Variants in NTRK3 observed in about 807,000 individuals in gnomAD.
NTRK3 encodes NT-3 growth factor receptor.
A neutral mutation model predicts 91.7 loss-of-function variants in NTRK3; 24 were observed. The ratio of observed to expected loss-of-function variants is 0.26; its 90% CI spans 0.19 to 0.37. NTRK3 has a LOEUF of 0.37. Ranked by LOEUF, NTRK3 falls within the 10% of genes least tolerant of loss-of-function variation. The pLI is 1.00. For synonymous variants in NTRK3, 483 were observed against 404.0 expected, an observed-to-expected ratio of 1.20 and a Z score of -2.34; for missense variants, 880 against 1,068.9, an observed-to-expected ratio of 0.82 and a Z score of 2.46.
intron 3 of NTRK3, among the ~76,000 whole-genome samples, chr15:88,231,426 C>A (rs1466841014): frequency 6.6e-6 from 1 of 151,844 alleles, no homozygotes; most frequent in Non-Finnish European, 1.5e-5. Context: ...GATTCTCTTT[C>A]TTGAAACGCA....
intron 14 of NTRK3, among the ~76,000 whole-genome samples, chr15:88,026,139 C>T (rs1352664276): frequency 6.6e-6 from 1 of 151,844 alleles, no homozygotes; most frequent in Non-Finnish European, 1.5e-5. Flanking sequence ...GGCGTGGTGG[C>T]GGGTGCCTGT....
chr15:88,012,981 G>A (rs1002034037), intron 14 of NTRK3, among the ~76,000 whole-genome samples: 2 of 152,286 alleles, frequency 1.3e-5, no homozygotes, highest in East Asian at 1.9e-4. Flanking sequence ...GAAGAACAAC[G>A]GTCTTCTGAA....
At chr15:88,031,673 C>G (rs1185475173) in intron 14 of NTRK3, among the ~76,000 whole-genome samples, 1 of 152,078 alleles carries the variant, frequency 6.6e-6, no homozygotes, top group Non-Finnish European at 1.5e-5. Context: ...TGACTCAAGC[C>G]CACTCCCTCC....
chr15:88,029,295 G>A (rs761689195), intron 14 of NTRK3, among the ~76,000 whole-genome samples: 2 of 152,204 alleles, frequency 1.3e-5, no homozygotes, highest in Non-Finnish European at 2.9e-5. Context: ...GGGAACATAG[G>A]TGTGGGGATG....
At chr15:88,108,664 G>A (rs556785137) in intron 13 of NTRK3, among the ~76,000 whole-genome samples, 2 of 152,206 alleles carry the variant, frequency 1.3e-5, no homozygotes, top group African/African-American at 4.8e-5. Context: ...CTAGAATCCA[G>A]ATTTCTATAA....
chr15:87,918,265 A>G (rs1044787933), intron 17 of NTRK3, among the ~76,000 whole-genome samples: 1 of 152,210 alleles, frequency 6.6e-6, no homozygotes, highest in African/African-American at 2.4e-5. Flanking sequence ...GTCCTTACAC[A>G]TGACCTGATT....
intron 3 of NTRK3, among the ~76,000 whole-genome samples, chr15:88,199,281 C>T (rs17831280): frequency 0.052 from 7,983 of 152,184 alleles, 228 homozygotes; most frequent in Middle Eastern, 0.088. Flanking sequence ...CCACTCCAAA[C>T]AGAGCCTGCA....
At chr15:88,212,491 C>T (rs922072472) in intron 3 of NTRK3, among the ~76,000 whole-genome samples, 3 of 152,192 alleles carry the variant, frequency 2.0e-5, no homozygotes, top group African/African-American at 7.2e-5. Flanking sequence ...TGGCCCTTAG[C>T]TTACATATGA....
At chr15:87,932,961 AG>A (rs869138190) in intron 16 of NTRK3, 50 bp downstream of exon 16, 2 of 1,601,902 alleles carry the variant, frequency 1.2e-6, no homozygotes, top group African/African-American at 1.3e-5. Flanking sequence ...GAAAACCCCA[AG>A]GGTTCGGTGG....
chr15:88,209,419 G>A (rs1041357961), intron 3 of NTRK3, among the ~76,000 whole-genome samples: 9 of 152,252 alleles, frequency 5.9e-5, no homozygotes, highest in African/African-American at 2.2e-4. Context: ...CCACATGGGA[G>A]TGGCTAGGAT....
At position 88,255,977 on chromosome 15, in the gene NTRK3, C is replaced by A; in HGVS notation, c.177G>T (p.Gly59=). ...TCCCATTGCTGTTCCCTGAATCCTG[C>A]CCTTCCAGGAGGGGGAAGAGGTTCC... The change falls in exon 3 of 19, where the codon GGG becomes GGT. Residue 59 remains glycine, a synonymous_variant. Transcript: ENST00000394480. The surrounding 1 kb of genome is among the most constrained non-coding windows in gnomAD (Gnocchi z 4.3). 6.2e-7 allele frequency: 1 copy of A among 1,613,448 alleles called. No individual in the cohort carries two copies. Among genetic ancestry groups the A allele is most frequent in the South Asian group, 1.1e-5 (1 of 91,066 alleles).
exon 19 of NTRK3, chr15:87,873,678 A>C (rs1414657633): frequency 4.3e-6 from 1 of 232,234 alleles, no homozygotes; most frequent in Non-Finnish European, 8.5e-6. Flanking sequence ...GTCATTTCAC[A>C]ACACATTTCA....
At chr15:87,924,745 T>A (rs967711551) in intron 17 of NTRK3, among the ~76,000 whole-genome samples, 2 of 152,136 alleles carry the variant, frequency 1.3e-5, no homozygotes, top group Non-Finnish European at 2.9e-5. Context: ...ATTTCCTAAT[T>A]CTAAATTCCC....
intron 13 of NTRK3, among the ~76,000 whole-genome samples, chr15:88,120,706 T>A (rs756663704): frequency 8.5e-5 from 13 of 152,250 alleles, no homozygotes; most frequent in Non-Finnish European, 1.9e-4. Flanking sequence ...AAGCCCCATT[T>A]AAGTGGCACA....
At chr15:87,981,105 C>T in intron 14 of NTRK3, 2 of 1,460,246 alleles carry the variant, frequency 1.4e-6, no homozygotes, top group Admixed American at 4.0e-5. Context: ...TGCTGGGCAC[C>T]TAGTCGTACC....
intron 14 of NTRK3, among the ~76,000 whole-genome samples, chr15:87,964,536 A>G (rs1281351181): frequency 1.3e-5 from 2 of 152,162 alleles, no homozygotes; most frequent in African/African-American, 4.8e-5. Flanking sequence ...ATTTTAATGT[A>G]AAATTCAACA....
chr15:88,178,134 G>A (rs940295940), intron 5 of NTRK3, among the ~76,000 whole-genome samples: 2 of 152,200 alleles, frequency 1.3e-5, no homozygotes, highest in Non-Finnish European at 2.9e-5. Flanking sequence ...AGACCAGTGT[G>A]CCAGTTGCCA....
chr15:87,929,835 C>T lies in NTRK3; in HGVS notation c.1890-401G>A, dbSNP rs115056467. Among the ~76,000 whole-genome samples the T allele has an allele frequency of 5.1e-3, 783 of 152,306 alleles. 6 individuals are homozygous for T. The highest frequency in any genetic ancestry group is 0.018 in the African/African-American group (756 of 41,564). ...TGTAATTCACTCAATTTTCCCACCCCAATTTTGAAATAAAGAAATTGAGGC... is the reference window on the plus strand; with the variant it reads ...TGTAATTCACTCAATTTTCCCACCCTAATTTTGAAATAAAGAAATTGAGGC... On this transcript the variant is annotated intron_variant, in intron 16 of 18. Transcript: ENST00000394480.
intron 3 of NTRK3, among the ~76,000 whole-genome samples, chr15:88,213,358 C>T (rs2049430265): frequency 6.6e-6 from 1 of 152,192 alleles, no homozygotes; most frequent in African/African-American, 2.4e-5. Context: ...ACTTTCTATC[C>T]TTGCAGCCTG....
Sources: allele counts gnomAD v4.1 joint callset (sites outside exome capture counted in the v4.1 genomes callset), GRCh38; gene constraint gnomAD v4.1.1; non-coding constraint Gnocchi (gnomAD v3.1); transcripts MANE v1.5; gene names NCBI Gene and HGNC (gene_info 2026-07-23, HGNC 2026-07-21).